RAI1: variants seen among roughly 807,000 people sequenced by gnomAD.
The protein encoded by RAI1 is retinoic acid induced 1, also known as retinoic acid-induced protein 1.
Under a neutral mutation model 123.8 loss-of-function variants are expected in RAI1, and 9 were observed. The ratio of observed to expected loss-of-function variants is 0.07; its 90% CI spans 0.04 to 0.13. RAI1 has a LOEUF of 0.13. Ranked by LOEUF, RAI1 falls within the 10% of genes least tolerant of loss-of-function variation. RAI1 has a pLI of 1.00. For missense variants in RAI1, 2,256 were observed against 2,545.8 expected, an observed-to-expected ratio of 0.89 and a Z score of 2.45; for synonymous variants, 1,231 against 1,127.3, an observed-to-expected ratio of 1.09 and a Z score of -1.84.
intron 2 of RAI1, among the ~76,000 whole-genome samples, chr17:17,732,710 T>A (rs1433115129): frequency 6.6e-6 from 1 of 152,230 alleles, no homozygotes. Flanking sequence ...AGGCTACTGC[T>A]GCCTGGCGGT....
intron 1 of RAI1, among the ~76,000 whole-genome samples, chr17:17,719,929 C>T (rs1232331802): frequency 6.6e-6 from 1 of 152,210 alleles, no homozygotes; most frequent in Admixed American, 6.5e-5. Flanking sequence ...ACCTGGCCCA[C>T]ATCTGACCTC....
intron 4 of RAI1, among the ~76,000 whole-genome samples, chr17:17,807,640 G>T (rs930275484): frequency 6.6e-6 from 1 of 152,202 alleles, no homozygotes; most frequent in Admixed American, 6.5e-5. Context: ...AGTGACTCCC[G>T]CCCCGTGCCC....
intron 1 of RAI1, among the ~76,000 whole-genome samples, chr17:17,709,686 G>A (rs560467446): frequency 9.8e-5 from 15 of 152,324 alleles, no homozygotes; most frequent in African/African-American, 3.4e-4. Context: ...CCTCGGGGAG[G>A]GGGAACCCCA....
rs1389271400 is a variant in RAI1 at position 17,793,484 on chromosome 17, C to T, written c.536C>T (p.Pro179Leu). ...CTGCACGTCCAGCAGCCACCGCCGCCCCAGCAGCCCCTGGCATACCCCAAG... is the reference window on the plus strand; with the variant it reads ...CTGCACGTCCAGCAGCCACCGCCGCTCCAGCAGCCCCTGGCATACCCCAAG... Reference protein sequence around the residue: ...HSLHVQQPPPPQQPLAYPKLQ... With the variant: ...HSLHVQQPPPLQQPLAYPKLQ... Residue 179 changes from proline (P) to leucine (L), a missense_variant, in exon 3 of 6, where the codon CCC (proline) becomes CTC (leucine). Physicochemically the swap from Pro to Leu is moderately conservative, Grantham distance 98. Coordinates refer to ENST00000353383, the MANE Select transcript of RAI1 (RefSeq NM_030665.4). The T allele has an allele frequency of 1.9e-6, 3 of 1,613,834 alleles. No homozygotes were observed. Among genetic ancestry groups the T allele is most frequent in the African/African-American group, 2.7e-5 (2 of 74,912 alleles).
intron 2 of RAI1, among the ~76,000 whole-genome samples, chr17:17,763,723 C>T (rs142740341): frequency 2.5e-3 from 381 of 152,288 alleles, no homozygotes; most frequent in African/African-American, 8.6e-3. Context: ...TTCACAAAGC[C>T]AGAGAGGTTG....
intron 2 of RAI1, among the ~76,000 whole-genome samples, chr17:17,730,694 G>A (rs142145153): frequency 5.3e-4 from 81 of 152,354 alleles, no homozygotes; most frequent in African/African-American, 1.9e-3. Flanking sequence ...GGCTCCCAGA[G>A]GGGAGCTCCC....
rs1292707834 is a variant in RAI1 at position 17,681,615 on chromosome 17, G to GCCGCCCTGC, written c.-322_-314dup. 1 of 204,164 alleles carries GCCGCCCTGC rather than the reference G, an allele frequency of 4.9e-6. No individual in the cohort carries two copies. The highest frequency in any genetic ancestry group is 9.6e-6 in the Non-Finnish European group (1 of 103,638). The allele number at this position is 204,164 out of a possible 1,614,324, so 12.6% of individuals were successfully genotyped here. Reference sequence around the variant, plus strand: ...CGAGGGCGAGAGGCGAGCCGAGCAGGCCGCCCTGCCCGCGGCCCTAGCGCC... The same window carrying GCCGCCCTGC: ...CGAGGGCGAGAGGCGAGCCGAGCAGGCCGCCCTGCCCGCCCTGCCCGCGGCCCTAGCGCC... On this transcript the variant is annotated 5_prime_UTR_variant, in exon 1 of 6. Coordinates refer to ENST00000353383, the MANE Select transcript of RAI1 (RefSeq NM_030665.4).
chr17:17,805,864 A>G (rs1470039260), intron 4 of RAI1, among the ~76,000 whole-genome samples: 2 of 151,892 alleles, frequency 1.3e-5, no homozygotes, highest in Admixed American at 1.3e-4. Flanking sequence ...TCCTCCTTCC[A>G]CAGTGATTAA....
At chr17:17,768,966 T>C (rs967065696) in intron 2 of RAI1, among the ~76,000 whole-genome samples, 1 of 151,890 alleles carries the variant, frequency 6.6e-6, no homozygotes, top group Non-Finnish European at 1.5e-5. Context: ...GTCAGGCAGT[T>C]TGGGGGGCAG....
Position 17,681,727 on chromosome 17 carries a change from C to T in RAI1, c.-215C>T. ...CGCCGCGCCCCGACCCCCATGGCCA[C>T]CCAGGCCTCCGGGCCGCGAAGTCGC... On this transcript the variant is annotated 5_prime_UTR_variant, in exon 1 of 6. Coordinates refer to ENST00000353383, the MANE Select transcript of RAI1 (RefSeq NM_030665.4). 3.1e-6 allele frequency: 1 copy of T among 324,532 alleles called. No homozygotes were observed. The highest frequency in any genetic ancestry group is 5.6e-6 in the Non-Finnish European group (1 of 177,976). The allele number at this position is 324,532 out of a possible 1,614,324, so 20.1% of individuals were successfully genotyped here.
intron 2 of RAI1, among the ~76,000 whole-genome samples, chr17:17,727,783 G>A (rs1180293264): frequency 6.6e-6 from 1 of 152,176 alleles, no homozygotes; most frequent in Non-Finnish European, 1.5e-5. Flanking sequence ...GAGGTATGAA[G>A]GAGTGGTGTG....
rs369260099 is a variant in RAI1 at position 17,796,868 on chromosome 17, G to T, written c.3920G>T (p.Arg1307Leu). 7 of 1,612,858 alleles carry T rather than the reference G, an allele frequency of 4.3e-6. No individual in the cohort carries two copies. The East Asian group carries it at 1.1e-4, about 26-fold the overall frequency. ...GATGCCTGCCTCAAGCTCGCCTCTC[G>T]GGCAGCCTTCCAGGGGGCCATGAAG... is the stretch of plus-strand genomic sequence containing the variant. ...TPDACLKLAS[R>L]AAFQGAMKTK... is the part of the protein sequence containing the mutation. The change falls in exon 3 of 6, where the codon CGG (arginine) becomes CTG (leucine). Residue 1307 changes from arginine (R) to leucine (L), a missense_variant. This residue lies in a region of RAI1 where 322 missense variants were observed against 358.0 expected (regional missense o/e 0.90). Transcript: ENST00000353383. This position sits in a 1 kb window ranked among gnomAD's most constrained non-coding sequence, Gnocchi z 5.8.
intron 2 of RAI1, among the ~76,000 whole-genome samples, chr17:17,765,478 C>T (rs905171834): frequency 2.0e-5 from 3 of 152,258 alleles, no homozygotes; most frequent in Admixed American, 1.3e-4. Flanking sequence ...TAAAGCAAGG[C>T]CCAGACACAT....
Position 17,809,596 on chromosome 17 carries a change from C to T in RAI1, c.5709+157C>T, listed in dbSNP as rs1299439290. 1.3e-5 allele frequency among the ~76,000 whole-genome samples: 2 copies of T among 152,054 alleles called. No individual in the cohort carries two copies. Among genetic ancestry groups the T allele is most frequent in the African/African-American group, 4.8e-5 (2 of 41,424 alleles). On this transcript the variant is annotated intron_variant, in intron 5 of 5. Transcript: ENST00000353383. The surrounding 1 kb of genome is among the most constrained non-coding windows in gnomAD (Gnocchi z 4.9). ...CTCTCCCCGCCCACCCCCAGGAGCC[C>T]CCGCCGCCGTCCAGCTCAGGTCCCT...
intron 1 of RAI1, among the ~76,000 whole-genome samples, chr17:17,703,958 C>T (rs570934139): frequency 8.5e-5 from 13 of 152,338 alleles, no homozygotes; most frequent in African/African-American, 3.1e-4. Context: ...CTCCAGGCTT[C>T]TCGGGTCTCC....
Position 17,796,219 on chromosome 17 carries a change from G to A in RAI1, c.3271G>A (p.Ala1091Thr), listed in dbSNP as rs745814214. Residue 1091 changes from alanine to threonine, a missense_variant, in exon 3 of 6, where the codon GCC (alanine) becomes ACC (threonine). Ala to Thr is a moderately conservative substitution (Grantham distance 58, BLOSUM62 0). Coordinates refer to ENST00000353383, the MANE Select transcript of RAI1 (RefSeq NM_030665.4). This position sits in a 1 kb window ranked among gnomAD's most constrained non-coding sequence, Gnocchi z 5.8. Reference protein sequence around the residue: ...PDKLGGKQRAAFKSGKRVGKP... With the variant: ...PDKLGGKQRATFKSGKRVGKP... ...CAAACTGGGGGGCAAGCAGCGAGCCGCCTTCAAGTCGGGCAAGCGGGTGGG... is the reference window on the plus strand; with the variant it reads ...CAAACTGGGGGGCAAGCAGCGAGCCACCTTCAAGTCGGGCAAGCGGGTGGG... 89 of 1,561,504 alleles carry A rather than the reference G, an allele frequency of 5.7e-5. No homozygotes were observed. Among genetic ancestry groups the A allele is most frequent in the Non-Finnish European group, 7.0e-5 (81 of 1,152,990 alleles).
chr17:17,798,021 A>T lies in RAI1; in HGVS notation c.5073A>T (p.Gln1691His). The T allele has an allele frequency of 6.2e-7, 1 of 1,613,994 alleles. No individual in the cohort carries two copies. Among genetic ancestry groups the T allele is most frequent in the Non-Finnish European group, 8.5e-7 (1 of 1,180,008 alleles). ...STSCLVCCLC[Q>H]NPANFKDLGD... ...CTTGCCTTGTTTGCTGCCTCTGCCAAAACCCGGCCAACTTCAAGGACCTTG... is the reference window on the plus strand; with the variant it reads ...CTTGCCTTGTTTGCTGCCTCTGCCATAACCCGGCCAACTTCAAGGACCTTG... The change falls in exon 3 of 6, where the codon CAA becomes CAT. Residue 1691 changes from glutamine (Q) to histidine (H), a missense_variant. By Grantham distance (24) the Gln-to-His change is conservative. Transcript: ENST00000353383.
chr17:17,752,490 G>C (rs932437013), intron 2 of RAI1, among the ~76,000 whole-genome samples: 1 of 152,184 alleles, frequency 6.6e-6, no homozygotes, highest in Non-Finnish European at 1.5e-5. Context: ...CAGCCGCCCC[G>C]GGAGCCTGGG....
chr17:17,782,281 T>C (rs2031613876), intron 2 of RAI1: 1 of 151,550 alleles, frequency 6.6e-6, no homozygotes, highest in South Asian at 2.1e-4. Flanking sequence ...GAGGCAGATA[T>C]AGAAAGGGGG....
Sources: allele counts gnomAD v4.1 joint callset (sites outside exome capture counted in the v4.1 genomes callset), GRCh38; gene constraint gnomAD v4.1.1; regional missense constraint gnomAD v4.1.1; non-coding constraint Gnocchi (gnomAD v3.1); transcripts MANE v1.5; gene names NCBI Gene and HGNC (gene_info 2026-07-23, HGNC 2026-07-21).